Variants in CLSTN2 observed in about 807,000 individuals in gnomAD.
CLSTN2 encodes the protein calsyntenin 2, also known as calsyntenin-2.
In CLSTN2, 48 loss-of-function variants were observed where a neutral mutation model predicts 101.2. That is an observed-to-expected ratio of 0.47 (90% confidence interval 0.38 to 0.60). The LOEUF is 0.60. Ranked by LOEUF, CLSTN2 falls within the 20% of genes least tolerant of loss-of-function variation. The pLI is 0.00. For missense variants in CLSTN2, 1,160 were observed against 1,238.2 expected (o/e 0.94, Z 0.95); for synonymous variants, 481 against 463.6 (o/e 1.04, Z -0.48).
At chr3:140,192,515 A>G (rs2010582314) in intron 2 of CLSTN2, among the ~76,000 whole-genome samples, 2 of 151,758 alleles carry the variant, frequency 1.3e-5, no homozygotes. Flanking sequence ...GCTGTATCAT[A>G]TTTGTGAAGT....
intron 2 of CLSTN2, among the ~76,000 whole-genome samples, chr3:140,397,824 T>A (rs987964651): frequency 6.6e-6 from 1 of 152,246 alleles, no homozygotes; most frequent in African/African-American, 2.4e-5. Flanking sequence ...GTGCTTTGAA[T>A]CTTTTACTTG....
At chr3:140,206,392 A>C (rs1400741628) in intron 2 of CLSTN2, among the ~76,000 whole-genome samples, 1 of 152,216 alleles carries the variant, frequency 6.6e-6, no homozygotes, top group African/African-American at 2.4e-5. Flanking sequence ...CCAGAGGCTA[A>C]GGAAGAGTGG....
chr3:140,516,513 A>G (rs941240445), intron 8 of CLSTN2, among the ~76,000 whole-genome samples: 6 of 150,556 alleles, frequency 4.0e-5, no homozygotes, highest in Non-Finnish European at 8.9e-5. Context: ...TTAGCAGTTC[A>G]TATAGTGCTG....
chr3:140,562,901 G>A lies in CLSTN2; in HGVS notation c.2303G>A (p.Arg768Gln), dbSNP rs200572536. 7.8e-5 allele frequency: 126 copies of A among 1,614,110 alleles called. No homozygotes were observed. The highest frequency in any genetic ancestry group is 4.7e-4 in the African/African-American group (35 of 75,042). The change falls in exon 14 of 17, where the codon CGG (arginine) becomes CAG (glutamine). Residue 768 changes from arginine (R) to glutamine (Q), a missense_variant. Transcript: ENST00000458420. ...RPASLEARRF[R>Q]IKCSELNGRY... ...GCTTCCCTTGAGGCCCGGCGTTTCC[G>A]GATTAAGTGCTCAGAACTCAATGGG...
intron 2 of CLSTN2, among the ~76,000 whole-genome samples, chr3:140,302,986 G>A (rs964321946): frequency 2.6e-5 from 4 of 152,116 alleles, no homozygotes; most frequent in Admixed American, 2.0e-4. Context: ...GTCCAGCCCC[G>A]CGATGCACAC....
Position 140,558,727 on chromosome 3 carries a change from C to T in CLSTN2, c.1911C>T (p.Leu637=), listed in dbSNP as rs1185742230. The T allele has an allele frequency of 1.9e-6, 3 of 1,614,096 alleles. No homozygotes were observed. The highest frequency in any genetic ancestry group is 3.3e-5 in the Admixed American group (2 of 60,024). Residue 637 remains leucine (L), a synonymous_variant, in exon 12 of 17, where the codon CTC becomes CTT. Transcript: ENST00000458420. Reference sequence around the variant, plus strand: ...AGGCCATCGAGCCCCGGATCACCCTCCGGGGCACAGACCACTTCTGGAGAC... The same window carrying T: ...AGGCCATCGAGCCCCGGATCACCCTTCGGGGCACAGACCACTTCTGGAGAC... ...VLQAIEPRIT[L]RGTDHFWRPA... is the part of the protein sequence containing the mutation.
intron 2 of CLSTN2, among the ~76,000 whole-genome samples, chr3:140,200,618 A>G (rs1316664848): frequency 2.0e-5 from 3 of 152,190 alleles, no homozygotes; most frequent in East Asian, 3.9e-4. Context: ...TCCTGCTATT[A>G]AGTTAAAACT....
At chr3:140,181,693 C>T (rs2010411285) in intron 2 of CLSTN2, among the ~76,000 whole-genome samples, 1 of 104,718 alleles carries the variant, frequency 9.5e-6, no homozygotes, top group South Asian at 4.0e-4. Context: ...CTGTTGCAAA[C>T]CATGTGTCCT....
intron 11 of CLSTN2, 56 bp from the exon 12 acceptor site, chr3:140,558,584 T>C: frequency 2.7e-6 from 4 of 1,467,470 alleles, no homozygotes; most frequent in Non-Finnish European, 3.8e-6. Context: ...CCTGGCTGTA[T>C]GACAGATGGT....
chr3:140,554,055 G>T (rs138963981), intron 10 of CLSTN2, among the ~76,000 whole-genome samples: 30 of 152,304 alleles, frequency 2.0e-4, no homozygotes, highest in African/African-American at 4.1e-4. Context: ...AAGAGGCAGA[G>T]TCCCTGTGCT....
chr3:140,484,606 A>C (rs924743892), intron 8 of CLSTN2, among the ~76,000 whole-genome samples: 5 of 152,124 alleles, frequency 3.3e-5, no homozygotes, highest in African/African-American at 1.2e-4. Flanking sequence ...TACACCAATC[A>C]GATGTAGATT....
intron 2 of CLSTN2, among the ~76,000 whole-genome samples, chr3:140,268,103 G>A (rs891802164): frequency 1.2e-4 from 18 of 152,130 alleles, no homozygotes; most frequent in Admixed American, 7.9e-4. Flanking sequence ...AAGAGCTATC[G>A]GGGTGAACCG....
At position 140,419,020 on chromosome 3, in the gene CLSTN2, G is replaced by T. The variant is rs191663874; in HGVS notation, c.638-2105G>T. Among the ~76,000 whole-genome samples, 26 of 139,456 alleles carry T rather than the reference G, an allele frequency of 1.9e-4. No individual in the cohort carries two copies. The East Asian group carries it at 4.6e-3, about 25-fold the overall frequency. 91.5% of individuals were successfully genotyped at this position (139,456 alleles called of 152,430 possible). ...ACTCTTTCACTAATATTGTGTAATT[G>T]GTGGACCTTTTTTTAAAAAAAAAAT... On this transcript the variant is annotated intron_variant, in intron 4 of 16. Coordinates refer to ENST00000458420, the MANE Select transcript of CLSTN2 (RefSeq NM_022131.3).
intron 5 of CLSTN2, among the ~76,000 whole-genome samples, chr3:140,432,763 G>T (rs564461106): frequency 2.0e-5 from 3 of 152,138 alleles, no homozygotes; most frequent in African/African-American, 7.2e-5. Flanking sequence ...AGACTTGGAG[G>T]TTTTCTAGGT....
At chr3:140,408,209 C>A (rs2088325536) in intron 4 of CLSTN2, among the ~76,000 whole-genome samples, 1 of 152,198 alleles carries the variant, frequency 6.6e-6, no homozygotes, top group Non-Finnish European at 1.5e-5. Context: ...AACTCCTTAG[C>A]TCAAAAGTTA....
At position 140,535,622 on chromosome 3, in the gene CLSTN2, A is replaced by G. The variant is rs530297013; in HGVS notation, c.1507+3136A>G. Among the ~76,000 whole-genome samples, 4 of 152,384 alleles carry G rather than the reference A, an allele frequency of 2.6e-5. No individual in the cohort carries two copies. In the East Asian group the frequency reaches 7.7e-4, roughly 29 times the overall value. Reference sequence around the variant, plus strand: ...TTGCTTTGGCAAATTAACTGTGAGCAGAAGTGCCTTATGTTGTTTCCTTAT... The same window carrying G: ...TTGCTTTGGCAAATTAACTGTGAGCGGAAGTGCCTTATGTTGTTTCCTTAT... On this transcript the variant is annotated intron_variant, in intron 9 of 16. Coordinates refer to ENST00000458420, the MANE Select transcript of CLSTN2 (RefSeq NM_022131.3).
At chr3:140,335,718 T>C (rs2087433045) in intron 2 of CLSTN2, among the ~76,000 whole-genome samples, 2 of 152,224 alleles carry the variant, frequency 1.3e-5, no homozygotes, top group Admixed American at 6.5e-5. Context: ...CAAAGATCTT[T>C]CCAAGTATCC....
intron 2 of CLSTN2, among the ~76,000 whole-genome samples, chr3:140,288,294 C>T (rs1456376015): frequency 2.0e-5 from 3 of 152,056 alleles, no homozygotes; most frequent in African/African-American, 7.2e-5. Context: ...GAAGAACAGA[C>T]AGAAGGAAGA....
chr3:140,376,707 A>C (rs1478095292), intron 2 of CLSTN2, among the ~76,000 whole-genome samples: 1 of 152,224 alleles, frequency 6.6e-6, no homozygotes. Context: ...CACATTTGGC[A>C]AGATTTGCCA....
Sources: gnomAD v4.1 joint callset for allele counts (sites outside exome capture counted in the v4.1 genomes callset) on GRCh38, gnomAD v4.1.1 for gene constraint, MANE v1.5 for transcripts, NCBI Gene and HGNC (gene_info 2026-07-23, HGNC 2026-07-21) for gene names.